ARID2: variants seen among roughly 807,000 people sequenced by gnomAD.
ARID2 encodes AT-rich interaction domain 2, also known as AT-rich interactive domain-containing protein 2.
ARID2 carries 32 observed loss-of-function variants against 184.6 expected under a neutral mutation model. The ratio of observed to expected loss-of-function variants is 0.17; its 90% CI spans 0.13 to 0.23. The LOEUF is 0.23. Ranked by LOEUF, ARID2 falls within the 10% of genes least tolerant of loss-of-function variation. The probability of loss-of-function intolerance (pLI) is 1.00; values close to 1 mark genes in which losing one functional copy is unlikely to be tolerated. For synonymous variants in ARID2, 836 were observed against 772.6 expected (o/e 1.08, Z -1.36); for missense variants, 1,696 against 2,197.6 (o/e 0.77, Z 4.56).
Position 45,746,481 on chromosome 12 carries a change from A to G in ARID2, c.284+15167A>G, listed in dbSNP as rs147629368. On this transcript the variant is annotated intron_variant, in intron 3 of 20. Transcript: ENST00000334344. ...ATGTTTTAAAAACAGTCAATGTAACATATGCTAAAGTTTTTTTTTTAAGTA... is the reference window on the plus strand; with the variant it reads ...ATGTTTTAAAAACAGTCAATGTAACGTATGCTAAAGTTTTTTTTTTAAGTA... Among the ~76,000 whole-genome samples, 9 of 148,988 alleles carry G rather than the reference A, an allele frequency of 6.0e-5. No homozygotes were observed. The East Asian group carries it at 1.5e-3, about 26-fold the overall frequency.
At chr12:45,737,980 T>C (rs1941163133) in intron 3 of ARID2, among the ~76,000 whole-genome samples, 1 of 152,164 alleles carries the variant, frequency 6.6e-6, no homozygotes, top group Non-Finnish European at 1.5e-5. Context: ...AAATTCTAAC[T>C]TATCCTAAGT....
chr12:45,816,727 A>G (rs1374680568), intron 4 of ARID2, among the ~76,000 whole-genome samples: 1 of 152,228 alleles, frequency 6.6e-6, no homozygotes, highest in African/African-American at 2.4e-5. Flanking sequence ...GGTATGGACT[A>G]CTGATGCACT....
intron 3 of ARID2, among the ~76,000 whole-genome samples, chr12:45,788,759 A>G (rs1243989104): frequency 2.6e-5 from 4 of 152,196 alleles, no homozygotes; most frequent in African/African-American, 9.6e-5. Context: ...TACTTAAAGC[A>G]TTTCAAACTC....
intron 3 of ARID2, among the ~76,000 whole-genome samples, chr12:45,763,705 A>C (rs948999407): frequency 1.6e-4 from 25 of 152,006 alleles, no homozygotes; most frequent in African/African-American, 6.0e-4. Context: ...TGCTCAGACT[A>C]GTTTTCAGCT....
At chr12:45,842,132 G>A (rs1943353400) in intron 11 of ARID2, 1 of 151,610 alleles carries the variant, frequency 6.6e-6, no homozygotes, top group Non-Finnish European at 1.5e-5. Flanking sequence ...GGTGATGCAT[G>A]CGTGTAGTCC....
chr12:45,820,527 G>A (rs530850286), intron 5 of ARID2, among the ~76,000 whole-genome samples: 63 of 152,120 alleles, frequency 4.1e-4, no homozygotes, highest in South Asian at 3.3e-3. Context: ...AAAGATTAAC[G>A]TTCATAACAG....
At chr12:45,843,461 G>A (rs924908076) in intron 11 of ARID2, among the ~76,000 whole-genome samples, 2 of 151,624 alleles carry the variant, frequency 1.3e-5, no homozygotes, top group African/African-American at 4.9e-5. Context: ...TACCACCTGG[G>A]CTCAAGACTA....
intron 16 of ARID2, among the ~76,000 whole-genome samples, chr12:45,869,752 G>A (rs940709938): frequency 6.6e-6 from 1 of 151,624 alleles, no homozygotes; most frequent in Non-Finnish European, 1.5e-5. Context: ...GCGTGGTGGC[G>A]GGCGACTGTA....
chr12:45,896,682 G>A lies in ARID2; in HGVS notation c.5363+2961G>A, dbSNP rs182925188. 7.8e-3 allele frequency among the ~76,000 whole-genome samples: 1,189 copies of A among 152,154 alleles called. 12 individuals carry two copies. The highest frequency in any genetic ancestry group is 0.02 in the Middle Eastern group (6 of 294). On this transcript the variant is annotated intron_variant, in intron 20 of 20. Transcript: ENST00000334344. ...ATGTCTTTATCAGCAGCGTGAAAAC[G>A]GACTAATACAAAGGCTAAAACCACG...
At chr12:45,740,472 A>G (rs1941229618) in intron 3 of ARID2, among the ~76,000 whole-genome samples, 3 of 151,892 alleles carry the variant, frequency 2.0e-5, no homozygotes, top group Admixed American at 1.3e-4. Flanking sequence ...AAATGTGGCA[A>G]GTGTGTGTGT....
At chr12:45,732,737 T>C (rs907941312) in intron 3 of ARID2, among the ~76,000 whole-genome samples, 1 of 152,172 alleles carries the variant, frequency 6.6e-6, no homozygotes, top group African/African-American at 2.4e-5. Flanking sequence ...GAAATACATA[T>C]TTTTGAAGTT....
At chr12:45,844,146 C>G (rs1419124802) in intron 11 of ARID2, among the ~76,000 whole-genome samples, 1 of 147,408 alleles carries the variant, frequency 6.8e-6, no homozygotes, top group South Asian at 2.2e-4. Flanking sequence ...CAATCGATCC[C>G]CCTACCTCAG....
Position 45,851,288 on chromosome 12 carries a change from T to C in ARID2, c.3165T>C (p.Gly1055=), listed in dbSNP as rs1286991526. Residue 1055 remains glycine, a synonymous_variant, in exon 15 of 21, where the codon GGT becomes GGC. Transcript: ENST00000334344. ...CAGGAGTTGGTCAGCCTGCCTCTGGTGAGTCGAGTCTGATTAAACAGCTTC... is the reference window on the plus strand; with the variant it reads ...CAGGAGTTGGTCAGCCTGCCTCTGGCGAGTCGAGTCTGATTAAACAGCTTC... ...SNAGVGQPAS[G]ESSLIKQLLL... The C allele has an allele frequency of 6.2e-7, 1 of 1,614,152 alleles. No individual in the cohort carries two copies.
At chr12:45,829,790 T>A (rs1401557600) in intron 6 of ARID2, among the ~76,000 whole-genome samples, 1 of 99,778 alleles carries the variant, frequency 1.0e-5, no homozygotes, top group African/African-American at 6.3e-5. Context: ...TTCTAGGTTA[T>A]CTTTCTTCTT....
chr12:45,875,292 A>C (rs1441724176), intron 16 of ARID2, among the ~76,000 whole-genome samples: 3 of 152,188 alleles, frequency 2.0e-5, no homozygotes, highest in Admixed American at 6.5e-5. Flanking sequence ...TCTTTTCATC[A>C]GAGTGGTAAG....
intron 3 of ARID2, among the ~76,000 whole-genome samples, chr12:45,770,051 G>A (rs1360047214): frequency 6.6e-6 from 1 of 151,930 alleles, no homozygotes; most frequent in Middle Eastern, 3.2e-3. Context: ...TCAGGAGATC[G>A]AGACCATCCT....
intron 3 of ARID2, among the ~76,000 whole-genome samples, chr12:45,808,114 A>G (rs893213505): frequency 6.6e-6 from 1 of 152,214 alleles, no homozygotes; most frequent in East Asian, 1.9e-4. Context: ...GAGGAGAAAG[A>G]TGTGCAGTCT....
rs537552871 is a variant in ARID2 at position 45,878,455 on chromosome 12, G to T, written c.4923-13325G>T. On this transcript the variant is annotated intron_variant, in intron 16 of 20. Transcript: ENST00000334344. ...TTGCTTTTCAGTTTGGGAAGTTCCT[G>T]TTGACATATCTTACTTACATCTTCA... 7.2e-5 allele frequency among the ~76,000 whole-genome samples: 11 copies of T among 152,150 alleles called. No homozygotes were observed. In the South Asian group the frequency reaches 2.3e-3, roughly 32 times the overall value.
In ARID2 at chr12:45,852,380, T is replaced by A. The variant is rs754474375; in HGVS notation, c.4257T>A (p.Pro1419=). Residue 1419 remains proline (P), a synonymous_variant, in exon 15 of 21, where the codon CCT becomes CCA. Transcript: ENST00000334344. ...GDQLERISNG[P]VLTLGGSSVS... is the part of the protein sequence containing the mutation. ...AACTAGAAAGAATTTCTAATGGACC[T>A]GTATTAACTTTGGGTGGTTCATCTG... 1.2e-6 allele frequency: 2 copies of A among 1,614,062 alleles called. No individual in the cohort carries two copies. Among genetic ancestry groups the A allele is most frequent in the Admixed American group, 3.3e-5 (2 of 60,004 alleles).
Sources: gnomAD v4.1 joint callset for allele counts (sites outside exome capture counted in the v4.1 genomes callset) on GRCh38, gnomAD v4.1.1 for gene constraint, MANE v1.5 for transcripts, NCBI Gene and HGNC (gene_info 2026-07-23, HGNC 2026-07-21) for gene names.